The following DOCK1 variants were observed in gnomAD, a reference collection of about 807,000 sequenced individuals.
DOCK1 encodes dedicator of cytokinesis 1.
Under a neutral mutation model 262.7 loss-of-function variants are expected in DOCK1, and 138 were observed. The ratio of observed to expected loss-of-function variants is 0.53; its 90% CI spans 0.46 to 0.61. The LOEUF (loss-of-function observed/expected upper bound fraction) is 0.61. Among genes scored for constraint, DOCK1 ranks in the 20% least tolerant of loss-of-function variants. The pLI, the probability that DOCK1 is intolerant of heterozygous loss-of-function variation, is 0.00. For synonymous variants in DOCK1, 866 were observed against 867.4 expected (o/e 1.00, Z 0.03); for missense variants, 1,908 against 2,370.7 (o/e 0.80, Z 4.05).
intron 24 of DOCK1, among the ~76,000 whole-genome samples, chr10:127,107,504 G>C (rs1052856155): frequency 1.3e-5 from 2 of 152,128 alleles, no homozygotes; most frequent in African/African-American, 4.8e-5. Context: ...AGCTTAGCAG[G>C]TCCTACATGA....
At chr10:127,149,331 C>T (rs1258815959) in intron 27 of DOCK1, among the ~76,000 whole-genome samples, 1 of 152,218 alleles carries the variant, frequency 6.6e-6, no homozygotes, top group Non-Finnish European at 1.5e-5. Flanking sequence ...TGATGTTTCT[C>T]ACCTTTCGCT....
chr10:127,399,408 ACT>A (rs1246666582), intron 38 of DOCK1, among the ~76,000 whole-genome samples: 1 of 151,980 alleles, frequency 6.6e-6, no homozygotes, highest in East Asian at 1.9e-4. Context: ...AATTACCCAC[ACT>A]CTCTTTAAAG....
chr10:127,341,242 T>C (rs2063412002), intron 30 of DOCK1, among the ~76,000 whole-genome samples: 1 of 152,224 alleles, frequency 6.6e-6, no homozygotes, highest in African/African-American at 2.4e-5. Context: ...TTAACATAAT[T>C]ATAAATGTAT....
At chr10:127,359,264 C>T (rs570345025) in intron 32 of DOCK1, among the ~76,000 whole-genome samples, 58 of 152,280 alleles carry the variant, frequency 3.8e-4, no homozygotes, top group South Asian at 4.1e-4. Context: ...CCAGTACCAG[C>T]TCCAGGCCAG....
intron 33 of DOCK1, among the ~76,000 whole-genome samples, chr10:127,362,676 A>G (rs2064532281): frequency 6.6e-6 from 1 of 152,194 alleles, no homozygotes; most frequent in African/African-American, 2.4e-5. Flanking sequence ...ATTCTCTAAG[A>G]AAGTGTATAT....
At position 127,447,000 on chromosome 10, in the gene DOCK1, G is replaced by A. The variant is rs115758724; in HGVS notation, c.5414-394G>A. Among the ~76,000 whole-genome samples, 1,398 of 152,242 alleles carry A rather than the reference G, an allele frequency of 9.2e-3. 19 individuals carry two copies. Among genetic ancestry groups the A allele is most frequent in the African/African-American group, 0.032 (1,313 of 41,538 alleles). On this transcript the variant is annotated intron_variant, in intron 50 of 51. Transcript: ENST00000623213. The surrounding 1 kb of genome is among the most constrained non-coding windows in gnomAD (Gnocchi z 4.4). ...CTGCAGGGGTGACTGCAGGGGCCTG[G>A]CTTGGCTTCGAAAGCAGTAGCAGCA...
chr10:127,393,689 C>T (rs113022468), intron 38 of DOCK1, among the ~76,000 whole-genome samples: 1,956 of 152,292 alleles, frequency 0.013, 10 homozygotes, highest in Middle Eastern at 0.027. Context: ...ATATTGGACA[C>T]GGGCTTTTGA....
chr10:126,963,896 G>A (rs1207592892), intron 1 of DOCK1, among the ~76,000 whole-genome samples: 1 of 152,088 alleles, frequency 6.6e-6, no homozygotes, highest in African/African-American at 2.4e-5. Context: ...CCAGACAAAA[G>A]CAGTGGAAGG....
chr10:127,239,693 T>G (rs2059194895), intron 27 of DOCK1, among the ~76,000 whole-genome samples: 1 of 152,174 alleles, frequency 6.6e-6, no homozygotes, highest in African/African-American at 2.4e-5. Flanking sequence ...TCGTTTCTAT[T>G]ATAGTGTGTT....
chr10:126,981,707 T>C (rs879662423), intron 3 of DOCK1, among the ~76,000 whole-genome samples: 2 of 152,218 alleles, frequency 1.3e-5, no homozygotes, highest in Non-Finnish European at 2.9e-5. Flanking sequence ...GTGTGTTGCC[T>C]GTTTGCTTCT....
chr10:126,922,887 G>A (rs1434880502), intron 1 of DOCK1, among the ~76,000 whole-genome samples: 1 of 152,218 alleles, frequency 6.6e-6, no homozygotes, highest in Non-Finnish European at 1.5e-5. Context: ...GAGGTGGGCG[G>A]AGCACCTGAG....
At chr10:127,069,441 C>G (rs1459407696) in intron 23 of DOCK1, among the ~76,000 whole-genome samples, 1 of 152,142 alleles carries the variant, frequency 6.6e-6, no homozygotes, top group African/African-American at 2.4e-5. Context: ...CAGCAAGCAG[C>G]TTAAAGAAAT....
chr10:126,946,994 C>A (rs893180998), intron 1 of DOCK1, among the ~76,000 whole-genome samples: 1 of 152,198 alleles, frequency 6.6e-6, no homozygotes, highest in Non-Finnish European at 1.5e-5. Flanking sequence ...CTGATCCTGT[C>A]CCCCCATCCC....
At chr10:127,216,333 A>G (rs1225181556) in intron 27 of DOCK1, among the ~76,000 whole-genome samples, 1 of 151,922 alleles carries the variant, frequency 6.6e-6, no homozygotes, top group Non-Finnish European at 1.5e-5. Flanking sequence ...AAAGAAAAAG[A>G]ACAAACAAGC....
chr10:127,191,986 A>G (rs1468817765), intron 27 of DOCK1, among the ~76,000 whole-genome samples: 1 of 152,232 alleles, frequency 6.6e-6, no homozygotes, highest in Admixed American at 6.5e-5. Flanking sequence ...GGCCAAAGCT[A>G]GATTATTAAG....
In DOCK1 at chr10:127,451,650, T is replaced by C. The variant is rs3824814; in HGVS notation, c.*223T>C. Reference sequence around the variant, plus strand: ...AGGTAGATATGGGTCCGGGATGTGCTATCGTAGTTATCAGAGTTGGGGGCC... The same window carrying C: ...AGGTAGATATGGGTCCGGGATGTGCCATCGTAGTTATCAGAGTTGGGGGCC... On this transcript the variant is annotated 3_prime_UTR_variant, in exon 52 of 52. Transcript: ENST00000623213. The C allele has an allele frequency of 0.5, 513,317 of 1,017,422 alleles. 133,269 individuals carry two copies. The highest frequency in any genetic ancestry group is 0.55 in the Middle Eastern group (2,192 of 3,988). 63.0% of individuals were successfully genotyped at this position (1,017,422 alleles called of 1,614,324 possible). A position where few individuals can be genotyped will look rare whatever the true frequency, so the allele number is the denominator to read the frequency against.
rs111932298 is a variant in DOCK1, at chr10:127,349,986, A to G, written c.3225-4683A>G. ...AAAGACTCTATTTCCAAATAAGGTC[A>G]CAGTCATGGATACCAGGGTTTAGGA... On this transcript the variant is annotated intron_variant, in intron 31 of 51. Coordinates refer to ENST00000623213, the MANE Select transcript of DOCK1 (RefSeq NM_001290223.2). Among the ~76,000 whole-genome samples, 1,364 of 152,298 alleles carry G rather than the reference A, an allele frequency of 9.0e-3. 21 individuals carry two copies. Among genetic ancestry groups the G allele is most frequent in the African/African-American group, 0.031 (1,293 of 41,546 alleles).
In DOCK1 at chr10:127,447,558, T is replaced by C. The variant is rs2070664506; in HGVS notation, c.5565+13T>C. On this transcript the variant is annotated intron_variant, in intron 51 of 51. Transcript: ENST00000623213. ...TCCACACCAGAGGGTAAGTCGGCAATCTGAAACACAGGCTTTCATTGCTTC... is the reference window on the plus strand; with the variant it reads ...TCCACACCAGAGGGTAAGTCGGCAACCTGAAACACAGGCTTTCATTGCTTC... The C allele has an allele frequency of 3.7e-6, 6 of 1,613,036 alleles. No individual in the cohort carries two copies. Among genetic ancestry groups the C allele is most frequent in the Non-Finnish European group, 5.1e-6 (6 of 1,179,322 alleles).
intron 1 of DOCK1, among the ~76,000 whole-genome samples, chr10:126,921,391 C>T (rs12770322): frequency 0.19 from 28,642 of 152,070 alleles, 3,108 homozygotes; most frequent in East Asian, 0.36. Context: ...GATCATGCTA[C>T]AGCATGGGTG....
Sources: gnomAD v4.1 joint callset for allele counts (sites outside exome capture counted in the v4.1 genomes callset) on GRCh38, gnomAD v4.1.1 for gene constraint, Gnocchi (gnomAD v3.1) non-coding constraint, MANE v1.5 for transcripts, NCBI Gene and HGNC (gene_info 2026-07-23, HGNC 2026-07-21) for gene names.